Variants in EYA2 observed in about 807,000 individuals in gnomAD.
EYA2 encodes EYA transcriptional coactivator and phosphatase 2.
In EYA2, 31 loss-of-function variants were observed where a neutral mutation model predicts 69.2. That is an observed-to-expected ratio of 0.45 (90% CI 0.34 to 0.60). The LOEUF is 0.60. Among genes scored for constraint, EYA2 ranks in the 20% least tolerant of loss-of-function variants. The probability of loss-of-function intolerance (pLI) is 0.02; values close to 1 mark genes in which losing one functional copy is unlikely to be tolerated. For missense variants in EYA2, 622 were observed against 701.2 expected, an observed-to-expected ratio of 0.89 and a Z score of 1.28; for synonymous variants, 257 against 279.4, an observed-to-expected ratio of 0.92 and a Z score of 0.80.
At chr20:47,169,868 A>G (rs1456763131) in intron 11 of EYA2, among the ~76,000 whole-genome samples, 2 of 151,648 alleles carry the variant, frequency 1.3e-5, no homozygotes, top group Admixed American at 1.3e-4. Context: ...GCCTCCAAAT[A>G]TTTGGTTGTA....
chr20:47,049,700 A>G lies in EYA2; in HGVS notation c.416-22485A>G, dbSNP rs142474698. ...CAGAAGCTGAGCAGATGCTGGCACC[A>G]TGCTTGTACAGCCTGCAGGACCATG... On this transcript the variant is annotated intron_variant, in intron 5 of 15. Coordinates refer to ENST00000327619, the MANE Select transcript of EYA2 (RefSeq NM_005244.5). Among the ~76,000 whole-genome samples the G allele has an allele frequency of 4.2e-3, 638 of 151,424 alleles. 7 individuals carry two copies. The highest frequency in any genetic ancestry group is 0.015 in the African/African-American group (620 of 41,372).
chr20:47,005,132 T>C (rs779666942), intron 4 of EYA2, 48 bp downstream of exon 4: 1 of 1,600,360 alleles, frequency 6.2e-7, no homozygotes, highest in Non-Finnish European at 8.5e-7. Context: ...CCCCAAATCA[T>C]GGTCTTTGTT....
At position 47,005,037 on chromosome 20, in the gene EYA2, A is replaced by C; in HGVS notation, c.251A>C (p.Tyr84Ser). Residue 84 changes from tyrosine (Y) to serine (S), a missense_variant, in exon 4 of 16, where the codon TAT (tyrosine) becomes TCT (serine). Coordinates refer to ENST00000327619, the MANE Select transcript of EYA2 (RefSeq NM_005244.5). ...YSAGIQQATP[Y>S]TAYPPPAQAY... The stretch of plus-strand genomic sequence containing the variant: ...GCGGGGATCCAGCAGGCTACCCCCT[A>C]TACAGCTTACCCACCTCCAGCACAA... 1 of 1,613,896 alleles carries C rather than the reference A, an allele frequency of 6.2e-7. No homozygotes were observed. The highest frequency in any genetic ancestry group is 8.5e-7 in the Non-Finnish European group (1 of 1,179,896).
At chr20:46,914,408 GCC>G in intron 1 of EYA2, among the ~76,000 whole-genome samples, 1 of 152,346 alleles carries the variant, frequency 6.6e-6, no homozygotes, top group East Asian at 1.9e-4. Context: ...TTCTCACACT[GCC>G]AATAAAGACA....
At chr20:47,084,802 A>G (rs1338866658) in intron 7 of EYA2, among the ~76,000 whole-genome samples, 1 of 151,038 alleles carries the variant, frequency 6.6e-6, no homozygotes, top group Non-Finnish European at 1.5e-5. Context: ...AAATGGTACA[A>G]CCACTATGGA....
chr20:46,967,356 G>T (rs992450520), intron 1 of EYA2, among the ~76,000 whole-genome samples: 1 of 152,208 alleles, frequency 6.6e-6, no homozygotes, highest in African/African-American at 2.4e-5. Flanking sequence ...CATGGCTACT[G>T]ATTAGAGTCT....
chr20:47,061,650 G>A (rs2030894655), intron 5 of EYA2, among the ~76,000 whole-genome samples: 1 of 152,222 alleles, frequency 6.6e-6, no homozygotes, highest in Admixed American at 6.5e-5. Flanking sequence ...CTGGTCTACA[G>A]TAACAAATAT....
At chr20:47,093,325 A>G (rs142886928) in intron 8 of EYA2, among the ~76,000 whole-genome samples, 86 of 152,360 alleles carry the variant, frequency 5.6e-4, no homozygotes, top group African/African-American at 1.9e-3. Context: ...GGTCCAGCCC[A>G]TGCTGAAGTC....
At chr20:47,049,287 A>C (rs1022177150) in intron 5 of EYA2, among the ~76,000 whole-genome samples, 1 of 152,214 alleles carries the variant, frequency 6.6e-6, no homozygotes, top group Non-Finnish European at 1.5e-5. Context: ...ACATAGGTGC[A>C]GTGCTTTTAA....
At position 46,987,964 on chromosome 20, in the gene EYA2, CTA is replaced by C. The variant is rs71183225; in HGVS notation, c.-10-2005_-10-2004del. On this transcript the variant is annotated intron_variant, in intron 1 of 15. Transcript: ENST00000327619. ...TCTCTCTCTCTCTCTCTCTCTCTCT[CTA>C]TATATATATATATATATATATATAT... is the stretch of plus-strand genomic sequence containing the variant. Among the ~76,000 whole-genome samples the C allele has an allele frequency of 6.3e-3, 71 of 11,268 alleles. 1 individual carries two copies. The highest frequency in any genetic ancestry group is 0.014 in the South Asian group (3 of 208). 7.4% of individuals were successfully genotyped at this position (11,268 alleles called of 152,430 possible).
At chr20:47,079,306 GA>G (rs1396071418) in intron 7 of EYA2, among the ~76,000 whole-genome samples, 3 of 152,218 alleles carry the variant, frequency 2.0e-5, no homozygotes, top group Non-Finnish European at 4.4e-5. Context: ...CTGGAGGTAA[GA>G]AATGCAACAT....
intron 5 of EYA2, among the ~76,000 whole-genome samples, chr20:47,039,369 G>A (rs1435594057): frequency 6.6e-6 from 1 of 152,134 alleles, no homozygotes; most frequent in Non-Finnish European, 1.5e-5. Context: ...AGTTTTATTG[G>A]CACACGGCCA....
At chr20:47,067,524 A>T (rs2031158460) in intron 5 of EYA2, among the ~76,000 whole-genome samples, 1 of 152,146 alleles carries the variant, frequency 6.6e-6, no homozygotes, top group African/African-American at 2.4e-5. Flanking sequence ...ATCATTACAC[A>T]TTGCATGTCT....
At chr20:47,047,672 C>T (rs2030115461) in intron 5 of EYA2, among the ~76,000 whole-genome samples, 1 of 152,204 alleles carries the variant, frequency 6.6e-6, no homozygotes, top group African/African-American at 2.4e-5. Context: ...CAGGTGTGAG[C>T]CACCGCGCCC....
chr20:46,924,436 C>T (rs1471067969), intron 1 of EYA2, among the ~76,000 whole-genome samples: 13 of 152,164 alleles, frequency 8.5e-5, no homozygotes, highest in Admixed American at 2.6e-4. Flanking sequence ...TTTGGGAGGC[C>T]GAGGTGGGTG....
At chr20:47,163,332 G>GATGTATGATT (rs2034110003) in intron 10 of EYA2, among the ~76,000 whole-genome samples, 1 of 152,100 alleles carries the variant, frequency 6.6e-6, no homozygotes, top group African/African-American at 2.4e-5. Flanking sequence ...CGCCCAGCCG[G>GATGTATGATT]ATGTATGATT....
chr20:47,027,485 C>T lies in EYA2; in HGVS notation c.415+11188C>T, dbSNP rs532327665. 5.3e-5 allele frequency among the ~76,000 whole-genome samples: 8 copies of T among 152,338 alleles called. No homozygotes were observed. In the South Asian group the frequency reaches 1.7e-3, roughly 32 times the overall value. On this transcript the variant is annotated intron_variant, in intron 5 of 15. Coordinates refer to ENST00000327619, the MANE Select transcript of EYA2 (RefSeq NM_005244.5). ...TGGGGGGTCACTCTCCCCTCCCCTT[C>T]ATGTGTGCTGGCAGGCTTGCTGCCT...
chr20:47,124,424 G>GT (rs1445379231), intron 9 of EYA2, among the ~76,000 whole-genome samples: 1 of 152,218 alleles, frequency 6.6e-6, no homozygotes, highest in African/African-American at 2.4e-5. Context: ...TGCTGGTTAT[G>GT]TAAGATGTTC....
At chr20:47,064,578 T>C (rs2031036341) in intron 5 of EYA2, among the ~76,000 whole-genome samples, 1 of 152,232 alleles carries the variant, frequency 6.6e-6, no homozygotes, top group South Asian at 2.1e-4. Context: ...CCACAGCTTT[T>C]TATGCACCGT....
Sources: gnomAD v4.1 joint callset for allele counts (sites outside exome capture counted in the v4.1 genomes callset) on GRCh38, gnomAD v4.1.1 for gene constraint, MANE v1.5 for transcripts, NCBI Gene and HGNC (gene_info 2026-07-23, HGNC 2026-07-21) for gene names.